CCDC50: variants seen among roughly 807,000 people sequenced by gnomAD.
CCDC50 encodes the protein coiled-coil domain-containing protein 50.
In CCDC50, 54 loss-of-function variants were observed where a neutral mutation model predicts 70.2. The observed-to-expected ratio is 0.77, with a 90% CI of 0.62 to 0.96. The LOEUF (loss-of-function observed/expected upper bound fraction) is 0.96, where lower values mean the gene tolerates loss of function less well. CCDC50 is among the 50% of genes least tolerant of loss of function. The pLI is 0.00. For missense variants in CCDC50, 558 were observed against 578.7 expected (o/e 0.96, Z 0.37); for synonymous variants, 216 against 198.8 (o/e 1.09, Z -0.73).
chr3:191,371,282 C>T (rs569005245), intron 5 of CCDC50, among the ~76,000 whole-genome samples: 1 of 152,048 alleles, frequency 6.6e-6, no homozygotes, highest in East Asian at 1.9e-4. Context: ...GTGGTGGTGG[C>T]AGTTGTGGTG....
chr3:191,372,226 A>C (rs911771389), intron 5 of CCDC50, among the ~76,000 whole-genome samples: 1 of 152,120 alleles, frequency 6.6e-6, no homozygotes, highest in Non-Finnish European at 1.5e-5. Context: ...TACTCCGATA[A>C]ATTTGTAGAG....
chr3:191,353,161 T>C (rs1712158470), intron 1 of CCDC50, among the ~76,000 whole-genome samples: 1 of 142,182 alleles, frequency 7.0e-6, no homozygotes, highest in African/African-American at 2.5e-5. Context: ...CGGCTTTTAA[T>C]GTTCAAAAGA....
At position 191,375,411 on chromosome 3, in the gene CCDC50, A is replaced by T; in HGVS notation, c.798A>T (p.Glu266Asp). The change falls in exon 6 of 12, where the codon GAA (glutamate) becomes GAT (aspartate). Residue 266 changes from glutamate (E) to aspartate (D), a missense_variant. Glu to Asp is a conservative substitution (Grantham distance 45). Transcript: ENST00000392455. ...TTAACCATCAGACTCGAAATTGGGA[A>T]AAACAGTCTCGACACCAAGATCGAC... is the stretch of plus-strand genomic sequence containing the variant. ...TKINHQTRNW[E>D]KQSRHQDRLS... The T allele has an allele frequency of 6.2e-7, 1 of 1,613,858 alleles. No individual in the cohort carries two copies. Among genetic ancestry groups the T allele is most frequent in the Non-Finnish European group, 8.5e-7 (1 of 1,179,870 alleles).
At chr3:191,382,671 C>T (rs1444088314) in intron 9 of CCDC50, 75 bp from the exon 10 acceptor site, 1 of 951,164 alleles carries the variant, frequency 1.1e-6, no homozygotes, top group African/African-American at 1.6e-5. Context: ...TAAACTTAAT[C>T]TTTCCCTTTG....
intron 5 of CCDC50, among the ~76,000 whole-genome samples, chr3:191,373,757 A>G (rs1356800265): frequency 3.3e-5 from 5 of 152,164 alleles, no homozygotes; most frequent in Non-Finnish European, 7.4e-5. Context: ...AAATACTTCT[A>G]CAGACTGTTT....
chr3:191,339,115 A>G (rs1185234341), intron 1 of CCDC50, among the ~76,000 whole-genome samples: 7 of 152,184 alleles, frequency 4.6e-5, no homozygotes, highest in Non-Finnish European at 1.5e-5. Context: ...AAGAATCTGA[A>G]AGTTTTGGGT....
Position 191,338,867 on chromosome 3 carries a change from A to C in CCDC50, c.49+9144A>C, listed in dbSNP as rs139101624. ...TTGTTTAAGGATTAATTTTAATTAT[A>C]TAAGATGCTGGTAATTTTTGTACAC... is the stretch of plus-strand genomic sequence containing the variant. On this transcript the variant is annotated intron_variant, in intron 1 of 11. Coordinates refer to ENST00000392455, the MANE Select transcript of CCDC50 (RefSeq NM_178335.3). Among the ~76,000 whole-genome samples, 655 of 152,348 alleles carry C rather than the reference A, an allele frequency of 4.3e-3. 4 individuals are homozygous for C. Among genetic ancestry groups the C allele is most frequent in the African/African-American group, 0.015 (628 of 41,588 alleles).
intron 4 of CCDC50, among the ~76,000 whole-genome samples, chr3:191,367,366 T>A (rs923477031): frequency 7.2e-5 from 11 of 152,128 alleles, no homozygotes; most frequent in African/African-American, 2.7e-4. Flanking sequence ...GACTCTGAAT[T>A]TTTAAGACTT....
chr3:191,349,071 A>G lies in CCDC50; in HGVS notation c.50-8017A>G, dbSNP rs1025337331. Among the ~76,000 whole-genome samples the G allele has an allele frequency of 5.7e-5, 8 of 141,298 alleles. 3 individuals are homozygous for G. Among genetic ancestry groups the G allele is most frequent in the Admixed American group, 4.4e-4 (6 of 13,764 alleles). The allele number at this position is 141,298 out of a possible 152,430, so 92.7% of individuals were successfully genotyped here. A position where few individuals can be genotyped will look rare whatever the true frequency, so the allele number is the denominator to read the frequency against. On this transcript the variant is annotated intron_variant, in intron 1 of 11. Transcript: ENST00000392455. ...ATAGCCAAGCATCTCTAAGCTCCCT[A>G]CTTGCCCTGCTGATGGGGGTGGAGG...
At position 191,391,917 on chromosome 3, in the gene CCDC50, A is replaced by G; in HGVS notation, c.*157A>G. ...CCATAAGTAATTTTAATTCATTTCA[A>G]ATGTTTTGGTTATTCATGATCACTT... On this transcript the variant is annotated 3_prime_UTR_variant, in exon 12 of 12. Transcript: ENST00000392455. 5.5e-6 allele frequency: 4 copies of G among 725,088 alleles called. No homozygotes were observed. In the East Asian group the frequency reaches 1.1e-4, roughly 20 times the overall value. 44.9% of individuals were successfully genotyped at this position (725,088 alleles called of 1,614,324 possible).
intron 10 of CCDC50, among the ~76,000 whole-genome samples, chr3:191,383,647 C>G (rs1247697395): frequency 6.6e-6 from 1 of 152,114 alleles, no homozygotes; most frequent in Non-Finnish European, 1.5e-5. Context: ...ACTGAAGCTC[C>G]TAGACTTGTT....
chr3:191,329,945 G>T lies in CCDC50; in HGVS notation c.49+222G>T, dbSNP rs1483330710. 5.0e-4 allele frequency among the ~76,000 whole-genome samples: 31 copies of T among 61,938 alleles called. 1 individual carries two copies. The highest frequency in any genetic ancestry group is 3.1e-3 in the East Asian group (5 of 1,588). The allele number at this position is 61,938 out of a possible 152,430, so 40.6% of individuals were successfully genotyped here. On this transcript the variant is annotated intron_variant, in intron 1 of 11. Coordinates refer to ENST00000392455, the MANE Select transcript of CCDC50 (RefSeq NM_178335.3). ...CGTTTTTTCTCAAGGGGGTGGTTGG[G>T]GGGGGGGGGGGCTAGCAGCAGCCCC...
intron 1 of CCDC50, among the ~76,000 whole-genome samples, chr3:191,330,156 C>T (rs1717918178): frequency 6.6e-6 from 1 of 152,196 alleles, no homozygotes; most frequent in African/African-American, 2.4e-5. Flanking sequence ...AAACATGACT[C>T]TTTCCCTCCT....
At chr3:191,361,790 GC>G in intron 4 of CCDC50, among the ~76,000 whole-genome samples, 1 of 152,102 alleles carries the variant, frequency 6.6e-6, no homozygotes, top group Non-Finnish European at 1.5e-5. Context: ...TTTAGAGAGG[GC>G]ACACTATTCA....
At chr3:191,350,653 G>T (rs1232878446) in intron 1 of CCDC50, among the ~76,000 whole-genome samples, 1 of 141,800 alleles carries the variant, frequency 7.1e-6, no homozygotes, top group African/African-American at 2.5e-5. Context: ...TGGATAATGT[G>T]TGAAAGGAAC....
rs767622449 is a variant in CCDC50 at position 191,375,471 on chromosome 3, C to T, written c.858C>T (p.His286=). ...SPKSSQKAGL[H]CKEVVYGRDH... is the part of the protein sequence containing the mutation. ...AGTCCTCACAAAAAGCAGGGCTTCA[C>T]TGCAAGGAAGTTGTATATGGGAGGG... The change falls in exon 6 of 12, where the codon CAC becomes CAT. Residue 286 remains histidine (H), a synonymous_variant. Transcript: ENST00000392455. 1.9e-6 allele frequency: 3 copies of T among 1,613,704 alleles called. No homozygotes were observed. Among genetic ancestry groups the T allele is most frequent in the Non-Finnish European group, 2.5e-6 (3 of 1,179,838 alleles).
chr3:191,332,347 A>G (rs942508794), intron 1 of CCDC50, among the ~76,000 whole-genome samples: 1 of 152,232 alleles, frequency 6.6e-6, no homozygotes, highest in Admixed American at 6.5e-5. Context: ...AAATCTCTTA[A>G]ACTGGGAGAC....
intron 1 of CCDC50, among the ~76,000 whole-genome samples, chr3:191,338,794 G>A (rs1711610232): frequency 1.3e-5 from 2 of 152,248 alleles, no homozygotes; most frequent in South Asian, 2.1e-4. Context: ...TGTTGTGATT[G>A]ACAACACCTG....
chr3:191,394,146 T>C lies in CCDC50; in HGVS notation c.*2386T>C, dbSNP rs750030254. Reference sequence around the variant, plus strand: ...AGTGACCAAGTAAGCTATCACCTTGTGATAGCTAATTCAACATCTTTATTG... The same window carrying C: ...AGTGACCAAGTAAGCTATCACCTTGCGATAGCTAATTCAACATCTTTATTG... On this transcript the variant is annotated 3_prime_UTR_variant, in exon 12 of 12. Coordinates refer to ENST00000392455, the MANE Select transcript of CCDC50 (RefSeq NM_178335.3). The C allele has an allele frequency of 3.9e-5, 6 of 152,190 alleles. No individual in the cohort carries two copies. The highest frequency in any genetic ancestry group is 7.2e-5 in the African/African-American group (3 of 41,464). The allele number at this position is 152,190 out of a possible 1,614,324, so 9.4% of individuals were successfully genotyped here.
Sources: gnomAD v4.1 joint callset for allele counts (sites outside exome capture counted in the v4.1 genomes callset) on GRCh38, gnomAD v4.1.1 for gene constraint, MANE v1.5 for transcripts, NCBI Gene and HGNC (gene_info 2026-07-23, HGNC 2026-07-21) for gene names.